ACP3: variants seen among roughly 807,000 people sequenced by gnomAD.
The protein encoded by ACP3 is prostatic acid phosphatase.
In ACP3, 38 loss-of-function variants were observed where a neutral mutation model predicts 45.6. The observed-to-expected ratio is 0.83, with a 90% CI of 0.64 to 1.09. The LOEUF (loss-of-function observed/expected upper bound fraction) is 1.09. Ranked by LOEUF, ACP3 falls within the 50% of genes least tolerant of loss-of-function variation. ACP3 has a pLI of 0.00. For missense variants in ACP3, 466 were observed against 463.2 expected (o/e 1.01, Z -0.05); for synonymous variants, 162 against 164.7 (o/e 0.98, Z 0.13).
chr3:132,364,281 G>A (rs1056979255), intron 10 of ACP3, among the ~76,000 whole-genome samples: 2 of 152,184 alleles, frequency 1.3e-5, no homozygotes, highest in Non-Finnish European at 2.9e-5. Flanking sequence ...TTAGGAGGTT[G>A]AGGCTGCAGT....
At chr3:132,335,161 AT>A (rs1304283991) in intron 4 of ACP3, among the ~76,000 whole-genome samples, 1 of 152,212 alleles carries the variant, frequency 6.6e-6, no homozygotes, top group African/African-American at 2.4e-5. Flanking sequence ...CTATGGAACA[AT>A]TTGAAAGCCA....
intron 8 of ACP3, among the ~76,000 whole-genome samples, chr3:132,352,425 T>C (rs1393362551): frequency 1.3e-5 from 2 of 151,416 alleles, no homozygotes; most frequent in Non-Finnish European, 2.9e-5. Flanking sequence ...CTCGAACTCC[T>C]GACCTCAAGT....
chr3:132,326,584 G>A (rs1185621400), intron 1 of ACP3, among the ~76,000 whole-genome samples: 2 of 152,148 alleles, frequency 1.3e-5, no homozygotes, highest in African/African-American at 2.4e-5. Flanking sequence ...CTACTCTACC[G>A]AAGTTTTAAT....
At chr3:132,361,029 G>T (rs149773699), downstream of ACP3, among the ~76,000 whole-genome samples, 256 of 152,282 alleles carry the variant, frequency 1.7e-3, 2 homozygotes, top group African/African-American at 5.7e-3. Flanking sequence ...CTATGAATGA[G>T]CCTCAAAAGT....
At chr3:132,324,446 TGGGC>T (rs1937260744) in intron 1 of ACP3, among the ~76,000 whole-genome samples, 3 of 152,046 alleles carry the variant, frequency 2.0e-5, no homozygotes, top group Admixed American at 2.0e-4. Context: ...GGGGAAACAG[TGGGC>T]CAACTATCAT....
chr3:132,366,951 A>G (rs1269380773), intron 10 of ACP3, among the ~76,000 whole-genome samples: 1 of 152,170 alleles, frequency 6.6e-6, no homozygotes, highest in Non-Finnish European at 1.5e-5. Flanking sequence ...GAAAGAGCTG[A>G]TGGGATCAGA....
chr3:132,349,713 G>A (rs1165828912), intron 7 of ACP3, among the ~76,000 whole-genome samples: 1 of 151,830 alleles, frequency 6.6e-6, no homozygotes, highest in East Asian at 1.9e-4. Context: ...AAAAATGAGG[G>A]TTGAGACGTA....
chr3:132,319,788 G>C (rs188367195), intron 1 of ACP3, among the ~76,000 whole-genome samples: 3 of 152,306 alleles, frequency 2.0e-5, no homozygotes, highest in African/African-American at 7.2e-5. Context: ...TTTTCCTGCT[G>C]TGTGTATATA....
intron 1 of ACP3, among the ~76,000 whole-genome samples, chr3:132,325,438 C>T (rs534763938): frequency 6.6e-6 from 1 of 152,178 alleles, no homozygotes; most frequent in Non-Finnish European, 1.5e-5. Context: ...CTCTGCTCTT[C>T]AAAACACTCT....
chr3:132,365,681 T>A (rs1054124415), intron 10 of ACP3, among the ~76,000 whole-genome samples: 1 of 152,152 alleles, frequency 6.6e-6, no homozygotes, highest in Non-Finnish European at 1.5e-5. Context: ...TTGACTGCTG[T>A]GTTAAAAATG....
chr3:132,328,444 C>A (rs569586075), intron 2 of ACP3, 82 bp downstream of exon 2: 12 of 1,167,222 alleles, frequency 1.0e-5, no homozygotes, highest in Middle Eastern at 2.1e-4. Flanking sequence ...TTTGGGAGGC[C>A]GAGGCAGGCG....
chr3:132,338,128 T>A (rs1937517827), intron 5 of ACP3, among the ~76,000 whole-genome samples: 1 of 152,188 alleles, frequency 6.6e-6, no homozygotes, highest in African/African-American at 2.4e-5. Context: ...GTGTTTATTT[T>A]ATGCAGTCTT....
chr3:132,359,840 T>C (rs2107821861), downstream of ACP3, among the ~76,000 whole-genome samples: 2 of 152,322 alleles, frequency 1.3e-5, no homozygotes, highest in South Asian at 2.1e-4. Flanking sequence ...TTCCCAACTC[T>C]CAGTTCAACC....
At chr3:132,346,976 T>C (rs1164032610) in intron 7 of ACP3, among the ~76,000 whole-genome samples, 1 of 152,220 alleles carries the variant, frequency 6.6e-6, no homozygotes, top group African/African-American at 2.4e-5. Context: ...TAGGGATGTG[T>C]ATGTATGAAT....
At chr3:132,346,054 C>G (rs1937605464) in intron 7 of ACP3, among the ~76,000 whole-genome samples, 2 of 152,346 alleles carry the variant, frequency 1.3e-5, no homozygotes, top group Non-Finnish European at 1.5e-5. Flanking sequence ...ACAATCACAT[C>G]ATGATTCCAG....
chr3:132,363,877 C>T (rs1484525884), intron 10 of ACP3, among the ~76,000 whole-genome samples: 1 of 152,006 alleles, frequency 6.6e-6, no homozygotes, highest in Non-Finnish European at 1.5e-5. Flanking sequence ...GCGGAGGTTG[C>T]AGTGAACCGA....
At chr3:132,363,535 T>C (rs981201623), downstream of ACP3, among the ~76,000 whole-genome samples, 14 of 152,210 alleles carry the variant, frequency 9.2e-5, no homozygotes, top group African/African-American at 1.7e-4. Flanking sequence ...AGGGCCACAA[T>C]TGCGGTTCTA....
At chr3:132,362,395 T>G (rs1938057085), downstream of ACP3, among the ~76,000 whole-genome samples, 1 of 152,226 alleles carries the variant, frequency 6.6e-6, no homozygotes, top group Non-Finnish European at 1.5e-5. Context: ...AGATAAATGA[T>G]TATTTAATAA....
Position 132,357,784 on chromosome 3 carries a change from AGC to A in ACP3, c.*907_*908del. The stretch of plus-strand genomic sequence containing the variant: ...CATGGTGGTTTACGCCTATAATCCC[AGC>A]ATTTTGGGAGTCCGAGGTGGGCAGA... On this transcript the variant is annotated 3_prime_UTR_variant, in exon 10 of 10. Transcript: ENST00000336375. 1 of 980,372 alleles carries A rather than the reference AGC, an allele frequency of 1.0e-6. No homozygotes were observed. Among genetic ancestry groups the A allele is most frequent in the Non-Finnish European group, 1.2e-6 (1 of 825,350 alleles). The allele number at this position is 980,372 out of a possible 1,614,324, so 60.7% of individuals were successfully genotyped here. A position where few individuals can be genotyped will look rare whatever the true frequency, so the allele number is the denominator to read the frequency against.
Sources: allele counts gnomAD v4.1 joint callset (sites outside exome capture counted in the v4.1 genomes callset), GRCh38; gene constraint gnomAD v4.1.1; transcripts MANE v1.5; gene names NCBI Gene and HGNC (gene_info 2026-07-23, HGNC 2026-07-21).